The following BRINP1 variants were observed in gnomAD, a reference collection of about 807,000 sequenced individuals.
BRINP1 encodes the protein BMP/retinoic acid-inducible neural-specific protein 1.
A neutral mutation model predicts 72.9 loss-of-function variants in BRINP1; 17 were observed. That is an observed-to-expected ratio of 0.23 (90% CI 0.16 to 0.35). The LOEUF (loss-of-function observed/expected upper bound fraction) is 0.35, where lower values mean the gene tolerates loss of function less well. BRINP1 is among the 10% of genes least tolerant of loss of function. The probability of loss-of-function intolerance (pLI) is 1.00; values close to 1 mark genes in which losing one functional copy is unlikely to be tolerated. For missense variants in BRINP1, 850 were observed against 1,001.6 expected (o/e 0.85, Z 2.04); for synonymous variants, 418 against 378.5 (o/e 1.10, Z -1.21).
chr9:119,249,242 A>C, intron 2 of BRINP1, 92 bp from the exon 3 acceptor site: 3 of 1,188,182 alleles, frequency 2.5e-6, no homozygotes, highest in Non-Finnish European at 3.5e-6. Flanking sequence ...ATCTCTCCTT[A>C]AGTGGGAAAG....
At chr9:119,320,551 CA>C (rs1029116383) in intron 1 of BRINP1, among the ~76,000 whole-genome samples, 23 of 152,114 alleles carry the variant, frequency 1.5e-4, no homozygotes, top group African/African-American at 5.6e-4. Flanking sequence ...CGAACAAAAT[CA>C]AAGCAGGTCA....
intron 2 of BRINP1, among the ~76,000 whole-genome samples, chr9:119,252,495 T>C (rs937303366): frequency 6.6e-5 from 10 of 151,882 alleles, no homozygotes; most frequent in African/African-American, 2.4e-4. Flanking sequence ...AGGTTATATA[T>C]ATATATGCAT....
Position 119,313,314 on chromosome 9 carries a change from T to C in BRINP1, c.42A>G (p.Ile14Met), listed in dbSNP as rs1831088198. 6.2e-7 allele frequency: 1 copy of C among 1,613,944 alleles called. No homozygotes were observed. Among genetic ancestry groups the C allele is most frequent in the South Asian group, 1.1e-5 (1 of 91,072 alleles). ...AGGGCTGCACTGAGATACGGCCCCA[T>C]ATAAACAGGAAGTAGAGGAGCTCAA... The part of the protein sequence containing the change: ...RFVELLYFLF[I>M]WGRISVQPSH... The change falls in exon 2 of 8, where the codon ATA becomes ATG. Residue 14 changes from isoleucine to methionine, a missense_variant. By Grantham distance (10) the Ile-to-Met change is conservative. Transcript: ENST00000265922.
chr9:119,191,716 G>A (rs948853818), intron 7 of BRINP1, among the ~76,000 whole-genome samples: 12 of 151,840 alleles, frequency 7.9e-5, no homozygotes, highest in African/African-American at 2.6e-4. Context: ...TTAACAATCC[G>A]TATAAAAATG....
At chr9:119,344,264 T>C (rs1474768782) in intron 1 of BRINP1, among the ~76,000 whole-genome samples, 1 of 152,236 alleles carries the variant, frequency 6.6e-6, no homozygotes, top group Non-Finnish European at 1.5e-5. Context: ...AAATGTTTTA[T>C]TGCAGTGGTA....
intron 1 of BRINP1, among the ~76,000 whole-genome samples, chr9:119,327,219 T>C (rs767479154): frequency 1.3e-5 from 2 of 152,210 alleles, no homozygotes; most frequent in Non-Finnish European, 2.9e-5. Context: ...ACATTTGCCA[T>C]GGTGATTGGC....
intron 5 of BRINP1, among the ~76,000 whole-genome samples, chr9:119,232,557 T>C (rs1588171954): frequency 6.6e-6 from 1 of 152,168 alleles, no homozygotes; most frequent in Non-Finnish European, 1.5e-5. Context: ...ATTTATTGTC[T>C]GCTTTTGCCA....
At chr9:119,273,005 C>A (rs1830623164) in intron 2 of BRINP1, among the ~76,000 whole-genome samples, 1 of 152,220 alleles carries the variant, frequency 6.6e-6, no homozygotes, top group Admixed American at 6.5e-5. Flanking sequence ...CCAACAAGTG[C>A]TGAAATCAGG....
intron 4 of BRINP1, 38 bp from the exon 5 acceptor site, chr9:119,238,798 A>G (rs1250023773): frequency 7.2e-7 from 1 of 1,385,042 alleles, no homozygotes; most frequent in South Asian, 1.2e-5. Flanking sequence ...GTGAGACAGC[A>G]GTCCTTGTCT....
chr9:119,276,701 AGAGATGGTATAGCTG>A (rs1830660795), intron 2 of BRINP1, among the ~76,000 whole-genome samples: 1 of 152,166 alleles, frequency 6.6e-6, no homozygotes, highest in African/African-American at 2.4e-5. Context: ...GTAGATACTG[AGAGATGGTATAGCTG>A]GGTCAAACGA....
At chr9:119,169,871 C>A (rs1046064526) in intron 7 of BRINP1, among the ~76,000 whole-genome samples, 1 of 152,148 alleles carries the variant, frequency 6.6e-6, no homozygotes, top group Non-Finnish European at 1.5e-5. Context: ...AGCAGGGGCA[C>A]ACTGACACGT....
chr9:119,287,797 T>C (rs1438063568), intron 2 of BRINP1, among the ~76,000 whole-genome samples: 3 of 152,164 alleles, frequency 2.0e-5, no homozygotes, highest in Non-Finnish European at 4.4e-5. Flanking sequence ...AAACCTCAGA[T>C]ATCTGGATTT....
At chr9:119,298,484 C>G (rs977219039) in intron 2 of BRINP1, among the ~76,000 whole-genome samples, 1 of 152,126 alleles carries the variant, frequency 6.6e-6, no homozygotes, top group African/African-American at 2.4e-5. Flanking sequence ...CACCCCTCCC[C>G]TTCTTCCTTG....
At chr9:119,349,876 C>A (rs1046295440) in intron 1 of BRINP1, among the ~76,000 whole-genome samples, 7 of 152,270 alleles carry the variant, frequency 4.6e-5, no homozygotes, top group Middle Eastern at 3.4e-3. Flanking sequence ...CCTCTTCCTT[C>A]GTATTTCTCT....
chr9:119,314,967 CCTGATCCCCA>C (rs563919390), intron 1 of BRINP1, among the ~76,000 whole-genome samples: 28 of 152,264 alleles, frequency 1.8e-4, no homozygotes, highest in South Asian at 8.3e-4. Context: ...TTTTTGTTCA[CCTGATCCCCA>C]CTGCCTGGCC....
chr9:119,242,730 G>T (rs953388721), intron 3 of BRINP1, among the ~76,000 whole-genome samples: 4 of 152,140 alleles, frequency 2.6e-5, no homozygotes, highest in Non-Finnish European at 5.9e-5. Context: ...GCTAGAAAGA[G>T]ATATTTGGAT....
In BRINP1 at chr9:119,167,714, G is replaced by A; in HGVS notation, c.1656C>T (p.Arg552=). ...IGMSMRICQM[R]NSSLDPMFFV... Reference sequence around the variant, plus strand: ...AGAACATGGGGTCCAGGCTGCTGTTGCGCATCTGGCAGATGCGCATGGACA... The same window carrying A: ...AGAACATGGGGTCCAGGCTGCTGTTACGCATCTGGCAGATGCGCATGGACA... Residue 552 remains arginine, a synonymous_variant, in exon 8 of 8, where the codon CGC becomes CGT. Coordinates refer to ENST00000265922, the MANE Select transcript of BRINP1 (RefSeq NM_014618.3). This position sits in a 1 kb window ranked among gnomAD's most constrained non-coding sequence, Gnocchi z 4.3. 1 of 1,614,118 alleles carries A rather than the reference G, an allele frequency of 6.2e-7. No homozygotes were observed. The highest frequency in any genetic ancestry group is 8.5e-7 in the Non-Finnish European group (1 of 1,180,016).
intron 7 of BRINP1, 131 bp downstream of exon 7, chr9:119,208,588 G>T (rs890748230): frequency 1.2e-6 from 1 of 850,430 alleles, no homozygotes; most frequent in Non-Finnish European, 1.9e-6. Flanking sequence ...AAAATTGTTG[G>T]TCTGGACCAT....
At chr9:119,279,508 C>T (rs1257399615) in intron 2 of BRINP1, among the ~76,000 whole-genome samples, 1 of 152,240 alleles carries the variant, frequency 6.6e-6, no homozygotes, top group Non-Finnish European at 1.5e-5. Flanking sequence ...TCTGTATCCT[C>T]AGCACTTAAA....
Sources: allele counts gnomAD v4.1 joint callset (sites outside exome capture counted in the v4.1 genomes callset), GRCh38; gene constraint gnomAD v4.1.1; non-coding constraint Gnocchi (gnomAD v3.1); transcripts MANE v1.5; gene names NCBI Gene and HGNC (gene_info 2026-07-23, HGNC 2026-07-21).